CGNL1: variants seen among roughly 807,000 people sequenced by gnomAD.
CGNL1 encodes cingulin like 1.
A neutral mutation model predicts 141.2 loss-of-function variants in CGNL1; 132 were observed. That is an observed-to-expected ratio of 0.93 (90% CI 0.81 to 1.08). The LOEUF (loss-of-function observed/expected upper bound fraction) is 1.08, where lower values mean the gene tolerates loss of function less well. Among genes scored for constraint, CGNL1 ranks in the 50% least tolerant of loss-of-function variants. The pLI is 0.00. For synonymous variants in CGNL1, 690 were observed against 622.1 expected, an observed-to-expected ratio of 1.11 and a Z score of -1.63; for missense variants, 1,870 against 1,588.6, an observed-to-expected ratio of 1.18 and a Z score of -3.01.
At chr15:57,430,983 A>G (rs959725617) in intron 1 of CGNL1, among the ~76,000 whole-genome samples, 14 of 152,170 alleles carry the variant, frequency 9.2e-5, no homozygotes, top group Non-Finnish European at 1.8e-4. Context: ...CAGCCTCCCA[A>G]AGTGCTGGGA....
chr15:57,389,657 A>T (rs1402577799), intron 1 of CGNL1, among the ~76,000 whole-genome samples: 1 of 152,200 alleles, frequency 6.6e-6, no homozygotes. Context: ...TGTTTGAATG[A>T]TAAATGGACT....
intron 1 of CGNL1, among the ~76,000 whole-genome samples, chr15:57,398,076 C>T (rs1202738337): frequency 6.6e-6 from 1 of 152,198 alleles, no homozygotes; most frequent in Non-Finnish European, 1.5e-5. Flanking sequence ...CCACCATACC[C>T]AGCACCATTT....
intron 1 of CGNL1, among the ~76,000 whole-genome samples, chr15:57,392,255 A>T (rs1477228408): frequency 6.6e-6 from 1 of 152,186 alleles, no homozygotes; most frequent in Non-Finnish European, 1.5e-5. Flanking sequence ...AAGAGAGGAA[A>T]CCAAGGCCCT....
At chr15:57,544,180 T>C (rs927332613) in intron 15 of CGNL1, among the ~76,000 whole-genome samples, 7 of 152,330 alleles carry the variant, frequency 4.6e-5, no homozygotes, top group Middle Eastern at 3.4e-3. Flanking sequence ...TGTAGGTTTA[T>C]AGGGCAAGGC....
intron 10 of CGNL1, among the ~76,000 whole-genome samples, 200 bp downstream of exon 10, chr15:57,518,697 AT>A: frequency 6.6e-6 from 1 of 152,320 alleles, no homozygotes; most frequent in Admixed American, 6.5e-5. Flanking sequence ...CCTGAAGACA[AT>A]TTTGGTTGTC....
intron 8 of CGNL1, among the ~76,000 whole-genome samples, chr15:57,467,039 C>A (rs1218792954): frequency 6.6e-6 from 1 of 152,096 alleles, no homozygotes. Context: ...GATACTCTTG[C>A]CATCCTTCAT....
chr15:57,485,876 A>G (rs965908540), intron 8 of CGNL1, among the ~76,000 whole-genome samples: 1 of 152,184 alleles, frequency 6.6e-6, no homozygotes, highest in Non-Finnish European at 1.5e-5. Flanking sequence ...GCTGATTTAA[A>G]AGGAGTTTAG....
chr15:57,395,285 C>G (rs1241503682), intron 1 of CGNL1, among the ~76,000 whole-genome samples: 1 of 152,198 alleles, frequency 6.6e-6, no homozygotes, highest in African/African-American at 2.4e-5. Flanking sequence ...CTTCAGTTCC[C>G]AAATGAGTCC....
chr15:57,393,246 G>C (rs1188902403), intron 1 of CGNL1, among the ~76,000 whole-genome samples: 1 of 152,138 alleles, frequency 6.6e-6, no homozygotes, highest in African/African-American at 2.4e-5. Flanking sequence ...TTAGCATTGA[G>C]GCCTTCTGCA....
chr15:57,504,804 G>C (rs577421384), intron 8 of CGNL1, among the ~76,000 whole-genome samples: 19 of 152,326 alleles, frequency 1.2e-4, no homozygotes, highest in African/African-American at 3.8e-4. Context: ...CTTCAAGGGG[G>C]CAGGGAAGCA....
At chr15:57,378,346 G>T (rs1012209927) in intron 1 of CGNL1, among the ~76,000 whole-genome samples, 9 of 127,262 alleles carry the variant, frequency 7.1e-5, no homozygotes, top group African/African-American at 2.6e-4. Context: ...TTTTTCTTAG[G>T]GGGTGGCCCT....
At chr15:57,544,216 T>A (rs1300432419) in intron 15 of CGNL1, among the ~76,000 whole-genome samples, 2 of 152,198 alleles carry the variant, frequency 1.3e-5, no homozygotes, top group Non-Finnish European at 2.9e-5. Context: ...TCCGGGAGTC[T>A]TAGGACATGG....
chr15:57,478,161 A>G (rs1272079110), intron 8 of CGNL1: 1 of 152,124 alleles, frequency 6.6e-6, no homozygotes, highest in Non-Finnish European at 1.5e-5. Context: ...CCGTGGGCTC[A>G]TGGTGTTCAT....
intron 1 of CGNL1, among the ~76,000 whole-genome samples, chr15:57,410,577 T>C (rs2062775361): frequency 6.6e-6 from 1 of 152,184 alleles, no homozygotes; most frequent in Non-Finnish European, 1.5e-5. Context: ...TGTGTCTGTG[T>C]GGTCCCAACA....
At chr15:57,390,817 G>A (rs984215617) in intron 1 of CGNL1, among the ~76,000 whole-genome samples, 2 of 151,998 alleles carry the variant, frequency 1.3e-5, no homozygotes, top group African/African-American at 4.8e-5. Flanking sequence ...GCAGAAGGAT[G>A]GGCCTGATTT....
intron 1 of CGNL1, among the ~76,000 whole-genome samples, chr15:57,379,577 C>T (rs2062403523): frequency 6.6e-6 from 1 of 152,100 alleles, no homozygotes; most frequent in Non-Finnish European, 1.5e-5. Context: ...TAAGAGATGC[C>T]ATTGGCCTTT....
chr15:57,385,434 C>A (rs1378867794), intron 1 of CGNL1, among the ~76,000 whole-genome samples: 3 of 152,184 alleles, frequency 2.0e-5, no homozygotes, highest in Non-Finnish European at 4.4e-5. Context: ...TGGCTTGAAC[C>A]CAGGAGGCGG....
chr15:57,388,456 G>A (rs1363770342), intron 1 of CGNL1, among the ~76,000 whole-genome samples: 4 of 152,182 alleles, frequency 2.6e-5, no homozygotes, highest in African/African-American at 9.7e-5. Flanking sequence ...TTCTGGGCCT[G>A]GACTGCCCGG....
intron 1 of CGNL1, among the ~76,000 whole-genome samples, chr15:57,422,742 C>T (rs890477541): frequency 1.3e-5 from 2 of 152,012 alleles, no homozygotes; most frequent in African/African-American, 4.8e-5. Flanking sequence ...AGGTGAGGCA[C>T]CTAGTGTCAG....
Sources: gnomAD v4.1 joint callset for allele counts (sites outside exome capture counted in the v4.1 genomes callset) on GRCh38, gnomAD v4.1.1 for gene constraint, MANE v1.5 for transcripts, NCBI Gene and HGNC (gene_info 2026-07-23, HGNC 2026-07-21) for gene names.